METTL25: variants seen among roughly 807,000 people sequenced by gnomAD.
METTL25 encodes probable methyltransferase-like protein 25.
In METTL25, 64 loss-of-function variants were observed where a neutral mutation model predicts 71.6. The observed-to-expected ratio is 0.89, with a 90% CI of 0.73 to 1.10. METTL25 has a LOEUF of 1.10. METTL25 is among the 50% of genes least tolerant of loss of function. The pLI is 0.00. For synonymous variants in METTL25, 287 were observed against 250.3 expected (o/e 1.15, Z -1.38); for missense variants, 807 against 707.0 (o/e 1.14, Z -1.60).
chr12:82,369,954 A>C (rs1223598734), intron 1 of METTL25, among the ~76,000 whole-genome samples: 1 of 152,098 alleles, frequency 6.6e-6, no homozygotes, highest in Non-Finnish European at 1.5e-5. Flanking sequence ...CTAGACACAG[A>C]GTGCTGATTG....
At chr12:82,399,528 G>A in intron 4 of METTL25, 134 bp downstream of exon 4, 1 of 730,526 alleles carries the variant, frequency 1.4e-6, no homozygotes, top group Non-Finnish European at 2.2e-6. Flanking sequence ...TCATAAGTAG[G>A]CTTTCATTAT....
At chr12:82,406,269 TG>T (rs1242016359) in intron 5 of METTL25, among the ~76,000 whole-genome samples, 1 of 152,312 alleles carries the variant, frequency 6.6e-6, no homozygotes, top group African/African-American at 2.4e-5. Flanking sequence ...TTAAAAACAT[TG>T]TTTTTTTGTA....
At chr12:82,396,387 C>T (rs187932635) in intron 3 of METTL25, among the ~76,000 whole-genome samples, 1 of 151,964 alleles carries the variant, frequency 6.6e-6, no homozygotes. Context: ...ATGAACTGGT[C>T]TCATTGTAAG....
chr12:82,466,098 G>A (rs1430880180), intron 9 of METTL25, among the ~76,000 whole-genome samples: 1 of 148,262 alleles, frequency 6.7e-6, no homozygotes, highest in African/African-American at 2.5e-5. Flanking sequence ...ATTTATTTCT[G>A]CTCTGATCTT....
chr12:82,467,065 T>C (rs2137289528), intron 9 of METTL25, among the ~76,000 whole-genome samples: 1 of 152,036 alleles, frequency 6.6e-6, no homozygotes, highest in African/African-American at 2.4e-5. Context: ...CCCATCACTT[T>C]AAGCCTGTGA....
Position 82,386,881 on chromosome 12 carries a change from A to G in METTL25, c.338A>G (p.Lys113Arg). The part of the protein sequence containing the change: ...VSVEAFALAA[K>R]YYSVQNLGIC... ...GTGGAAGCCTTTGCTCTGGCTGCGAAATACTATTCTGTACAAAACTTGGGA... is the reference window on the plus strand; with the variant it reads ...GTGGAAGCCTTTGCTCTGGCTGCGAGATACTATTCTGTACAAAACTTGGGA... The change falls in exon 2 of 12, where the codon AAA becomes AGA. Residue 113 changes from lysine (K) to arginine (R), a missense_variant. Physicochemically the swap from Lys to Arg is conservative, Grantham distance 26 (BLOSUM62 2). Coordinates refer to ENST00000248306, the MANE Select transcript of METTL25 (RefSeq NM_032230.3). 1 of 1,613,530 alleles carries G rather than the reference A, an allele frequency of 6.2e-7. No homozygotes were observed.
chr12:82,426,872 A>G (rs1889069765), intron 5 of METTL25, among the ~76,000 whole-genome samples: 1 of 151,830 alleles, frequency 6.6e-6, no homozygotes, highest in Non-Finnish European at 1.5e-5. Flanking sequence ...AAAAATTTTC[A>G]CCCCATCTTC....
intron 3 of METTL25, among the ~76,000 whole-genome samples, chr12:82,398,253 C>T (rs111550882): frequency 1.2e-4 from 17 of 142,534 alleles, no homozygotes; most frequent in South Asian, 2.2e-4. Context: ...TTTTATTTTT[C>T]TTTTTTTTTT....
At chr12:82,427,635 T>C (rs1387718006) in intron 5 of METTL25, among the ~76,000 whole-genome samples, 2 of 151,950 alleles carry the variant, frequency 1.3e-5, no homozygotes, top group East Asian at 1.9e-4. Context: ...TATGGCATGC[T>C]TCTTTATTAG....
chr12:82,376,638 A>G (rs1883888275), intron 1 of METTL25, among the ~76,000 whole-genome samples: 1 of 152,236 alleles, frequency 6.6e-6, no homozygotes, highest in Admixed American at 6.5e-5. Context: ...CATTATCCAA[A>G]CACAGTGAAC....
At chr12:82,376,355 T>C (rs942770144) in intron 1 of METTL25, among the ~76,000 whole-genome samples, 18 of 152,350 alleles carry the variant, frequency 1.2e-4, no homozygotes, top group South Asian at 4.1e-4. Flanking sequence ...TTAGTTTTGA[T>C]AATTCTCTGC....
In METTL25 at chr12:82,434,623, C is replaced by G. The variant is rs1376012426; in HGVS notation, c.1375-72C>G. ...TTTCTAAATGTCAGTTTTACAAACT[C>G]TTATACAGTGTGTTTATAAATCTTA... On this transcript the variant is annotated intron_variant, in intron 6 of 11. Coordinates refer to ENST00000248306, the MANE Select transcript of METTL25 (RefSeq NM_032230.3). 7 of 1,248,046 alleles carry G rather than the reference C, an allele frequency of 5.6e-6. No homozygotes were observed. In the East Asian group the frequency reaches 1.7e-4, roughly 30 times the overall value. 77.3% of individuals were successfully genotyped at this position (1,248,046 alleles called of 1,614,324 possible).
intron 9 of METTL25, among the ~76,000 whole-genome samples, chr12:82,461,209 G>A (rs939457113): frequency 6.6e-6 from 1 of 152,076 alleles, no homozygotes; most frequent in Admixed American, 6.6e-5. Flanking sequence ...TACAGTATAT[G>A]GAAATTCTCT....
intron 8 of METTL25, among the ~76,000 whole-genome samples, chr12:82,453,569 AAGGAC>A (rs1398184310): frequency 6.6e-6 from 1 of 152,162 alleles, no homozygotes; most frequent in Non-Finnish European, 1.5e-5. Context: ...AAATGCAGCA[AAGGAC>A]ATAAGAATTA....
intron 8 of METTL25, among the ~76,000 whole-genome samples, chr12:82,455,868 A>G (rs1265914178): frequency 6.6e-6 from 1 of 151,936 alleles, no homozygotes; most frequent in Non-Finnish European, 1.5e-5. Flanking sequence ...AATAACATGT[A>G]GGAAGAGGTG....
At chr12:82,404,585 CAA>C (rs1354902857) in intron 5 of METTL25, among the ~76,000 whole-genome samples, 4 of 152,008 alleles carry the variant, frequency 2.6e-5, no homozygotes, top group African/African-American at 9.7e-5. Flanking sequence ...GTTGTTAGTT[CAA>C]GAGTTTCCTG....
intron 3 of METTL25, among the ~76,000 whole-genome samples, chr12:82,393,408 T>G (rs754249129): frequency 6.6e-6 from 1 of 152,100 alleles, no homozygotes; most frequent in Non-Finnish European, 1.5e-5. Flanking sequence ...ATTACTTTCC[T>G]GTTTTCCTTT....
intron 1 of METTL25, among the ~76,000 whole-genome samples, chr12:82,370,650 A>G (rs1883123605): frequency 6.6e-6 from 1 of 152,056 alleles, no homozygotes; most frequent in Non-Finnish European, 1.5e-5. Context: ...ATAGTTTTAA[A>G]TTTACCCTGG....
At chr12:82,386,200 G>A (rs1292233457) in intron 1 of METTL25, among the ~76,000 whole-genome samples, 2 of 151,930 alleles carry the variant, frequency 1.3e-5, no homozygotes, top group Admixed American at 6.6e-5. Context: ...CGTGCACCCC[G>A]CCCCCCTGCC....
Sources: allele counts gnomAD v4.1 joint callset (sites outside exome capture counted in the v4.1 genomes callset), GRCh38; gene constraint gnomAD v4.1.1; transcripts MANE v1.5; gene names NCBI Gene and HGNC (gene_info 2026-07-23, HGNC 2026-07-21).